Variants in FAM78B observed in about 807,000 individuals in gnomAD.
FAM78B encodes family with sequence similarity 78 member B.
A neutral mutation model predicts 20.0 loss-of-function variants in FAM78B; 10 were observed. That is an observed-to-expected ratio of 0.50 (90% CI 0.31 to 0.85). FAM78B has a LOEUF of 0.85. Ranked by LOEUF, FAM78B falls within the 40% of genes least tolerant of loss-of-function variation. The probability of loss-of-function intolerance (pLI) is 0.05; values close to 1 mark genes in which losing one functional copy is unlikely to be tolerated. For missense variants in FAM78B, 283 were observed against 345.0 expected (o/e 0.82, Z 1.42); for synonymous variants, 135 against 132.8 (o/e 1.02, Z -0.12).
intron 1 of FAM78B, among the ~76,000 whole-genome samples, chr1:166,150,945 T>A (rs1260809484): frequency 6.6e-6 from 1 of 151,976 alleles, no homozygotes; most frequent in Non-Finnish European, 1.5e-5. Flanking sequence ...ATAAAAAAAA[T>A]TAAAATATAT....
At chr1:166,085,338 A>G (rs1652782741) in intron 1 of FAM78B, among the ~76,000 whole-genome samples, 1 of 152,156 alleles carries the variant, frequency 6.6e-6, no homozygotes, top group Non-Finnish European at 1.5e-5. Context: ...AAGGGGGGCC[A>G]CTGTACCATC....
chr1:166,084,117 T>G (rs1165168602), intron 1 of FAM78B, among the ~76,000 whole-genome samples: 1 of 151,596 alleles, frequency 6.6e-6, no homozygotes, highest in Non-Finnish European at 1.5e-5. Flanking sequence ...AAGACGCACA[T>G]CCACAGATAG....
chr1:166,160,888 T>C (rs912232387), intron 1 of FAM78B, among the ~76,000 whole-genome samples: 2 of 152,322 alleles, frequency 1.3e-5, no homozygotes, highest in Non-Finnish European at 2.9e-5. Flanking sequence ...TGGTAACCAG[T>C]ATAAGAACAG....
At chr1:166,080,242 T>C (rs971528981) in intron 1 of FAM78B, among the ~76,000 whole-genome samples, 1 of 152,148 alleles carries the variant, frequency 6.6e-6, no homozygotes, top group Non-Finnish European at 1.5e-5. Context: ...ACCATGCCAG[T>C]TGTTAAAATA....
At chr1:166,165,603 C>T (rs1279875803) in intron 1 of FAM78B, among the ~76,000 whole-genome samples, 2 of 152,150 alleles carry the variant, frequency 1.3e-5, no homozygotes, top group Non-Finnish European at 2.9e-5. Context: ...CACTCCACTC[C>T]TCTATGGTTT....
chr1:166,130,652 T>C (rs900686637), intron 1 of FAM78B, among the ~76,000 whole-genome samples: 4 of 152,176 alleles, frequency 2.6e-5, no homozygotes, highest in Admixed American at 6.6e-5. Flanking sequence ...AAAATGTCAA[T>C]AGTACTGCTA....
intron 1 of FAM78B, among the ~76,000 whole-genome samples, chr1:166,115,004 TGAGA>T (rs997489139): frequency 6.6e-6 from 1 of 151,880 alleles, no homozygotes; most frequent in African/African-American, 2.4e-5. Context: ...GGGGAAAGGG[TGAGA>T]GAGTTTTGGG....
intron 1 of FAM78B, among the ~76,000 whole-genome samples, chr1:166,105,111 T>C (rs10918355): frequency 0.19 from 29,585 of 151,930 alleles, 3,269 homozygotes; most frequent in East Asian, 0.38. Context: ...GGGAAAGGAT[T>C]CCCTATTTAA....
chr1:166,125,589 C>T (rs1438194740), intron 1 of FAM78B, among the ~76,000 whole-genome samples: 2 of 152,066 alleles, frequency 1.3e-5, no homozygotes, highest in Non-Finnish European at 2.9e-5. Context: ...TACAATTGTT[C>T]CTCTCTGTCT....
chr1:166,112,586 C>CT (rs1356664654), intron 1 of FAM78B, among the ~76,000 whole-genome samples: 1 of 152,202 alleles, frequency 6.6e-6, no homozygotes, highest in Non-Finnish European at 1.5e-5. Context: ...TAACGTCCCA[C>CT]TCCAGCTGCT....
At chr1:166,077,999 T>A (rs1227096990) in intron 1 of FAM78B, among the ~76,000 whole-genome samples, 1 of 118,018 alleles carries the variant, frequency 8.5e-6, no homozygotes, top group African/African-American at 3.3e-5. Context: ...TATATATAAT[T>A]ATATATATAA....
chr1:166,111,188 T>C (rs1484038884), intron 1 of FAM78B, among the ~76,000 whole-genome samples: 1 of 152,304 alleles, frequency 6.6e-6, no homozygotes, highest in Admixed American at 6.5e-5. Context: ...GCAACCATGA[T>C]GTCCAGGTGG....
intron 1 of FAM78B, among the ~76,000 whole-genome samples, chr1:166,136,189 T>C (rs1425402893): frequency 6.6e-6 from 1 of 152,212 alleles, no homozygotes; most frequent in Admixed American, 6.5e-5. Flanking sequence ...ACTGAGGATG[T>C]AACAGAACAA....
chr1:166,109,856 A>ATG (rs1261998155), intron 1 of FAM78B, among the ~76,000 whole-genome samples: 3 of 19,376 alleles, frequency 1.5e-4, no homozygotes, highest in Non-Finnish European at 4.0e-4. Flanking sequence ...ATATATATAT[A>ATG]TATATGTATG....
At chr1:166,152,014 C>T (rs2101798697) in intron 1 of FAM78B, among the ~76,000 whole-genome samples, 1 of 152,268 alleles carries the variant, frequency 6.6e-6, no homozygotes, top group Middle Eastern at 3.4e-3. Context: ...CCCACAGGTA[C>T]CCAGATTATC....
At chr1:166,084,235 ACACTCTCTCTCTCTCT>A (rs1330090294) in intron 1 of FAM78B, among the ~76,000 whole-genome samples, 2 of 119,966 alleles carry the variant, frequency 1.7e-5, no homozygotes, top group African/African-American at 5.7e-5. Flanking sequence ...ACACACACAC[ACACTCTCTCTCTCTCT>A]CTCTCTCTCT....
chr1:166,071,169 G>A (rs541200716), intron 1 of FAM78B, among the ~76,000 whole-genome samples: 22 of 152,280 alleles, frequency 1.4e-4, no homozygotes, highest in African/African-American at 5.1e-4. Context: ...GAAATTCGAT[G>A]TACTTGGAAG....
At chr1:166,086,910 G>A (rs1283546832) in intron 1 of FAM78B, among the ~76,000 whole-genome samples, 1 of 152,156 alleles carries the variant, frequency 6.6e-6, no homozygotes, top group Non-Finnish European at 1.5e-5. Flanking sequence ...TTCTAGGGAT[G>A]CCTAAATGTT....
Position 166,070,141 on chromosome 1 carries a change from T to C in FAM78B, c.*100A>G. 1 of 1,417,766 alleles carries C rather than the reference T, an allele frequency of 7.1e-7. No individual in the cohort carries two copies. Among genetic ancestry groups the C allele is most frequent in the African/African-American group, 1.4e-5 (1 of 70,678 alleles). The allele number at this position is 1,417,766 out of a possible 1,614,324, so 87.8% of individuals were successfully genotyped here. A position where few individuals can be genotyped will look rare whatever the true frequency, so the allele number is the denominator to read the frequency against. On this transcript the variant is annotated 3_prime_UTR_variant, in exon 2 of 2. Transcript: ENST00000354422. ...GCAAAGGCTGGCAAACCGAGAGGTC[T>C]GCTTTGGCTCAGAAACTCTGTTTGG...
Sources: gnomAD v4.1 joint callset for allele counts (sites outside exome capture counted in the v4.1 genomes callset) on GRCh38, gnomAD v4.1.1 for gene constraint, MANE v1.5 for transcripts, NCBI Gene and HGNC (gene_info 2026-07-23, HGNC 2026-07-21) for gene names.